The following GRIP1 variants were observed in gnomAD, a reference collection of about 807,000 sequenced individuals.
GRIP1 encodes glutamate receptor-interacting protein 1.
In GRIP1, 45 loss-of-function variants were observed where a neutral mutation model predicts 129.9. The ratio of observed to expected loss-of-function variants is 0.35; its 90% CI spans 0.27 to 0.44. The LOEUF (loss-of-function observed/expected upper bound fraction) is 0.44, where lower values mean the gene tolerates loss of function less well. GRIP1 is among the 20% of genes least tolerant of loss of function. The probability of loss-of-function intolerance (pLI) is 1.00; values close to 1 mark genes in which losing one functional copy is unlikely to be tolerated. For missense variants in GRIP1, 1,196 were observed against 1,396.8 expected, an observed-to-expected ratio of 0.86 and a Z score of 2.29; for synonymous variants, 530 against 520.8, an observed-to-expected ratio of 1.02 and a Z score of -0.24.
chr12:66,882,898 G>A (rs913427799), intron 1 of GRIP1, among the ~76,000 whole-genome samples: 5 of 152,110 alleles, frequency 3.3e-5, no homozygotes, highest in Non-Finnish European at 5.9e-5. Context: ...CTGCTCTGCC[G>A]TTCTTTGCAA....
intron 1 of GRIP1, among the ~76,000 whole-genome samples, chr12:67,068,158 G>A (rs745427799): frequency 6.6e-6 from 1 of 152,072 alleles, no homozygotes; most frequent in Non-Finnish European, 1.5e-5. Flanking sequence ...TGAACTCCCT[G>A]GCCAACCTCT....
In GRIP1 at chr12:66,678,968, C is replaced by T. The variant is rs2034467450; in HGVS notation, c.-64G>A. 1 of 1,611,444 alleles carries T rather than the reference C, an allele frequency of 6.2e-7. No individual in the cohort carries two copies. The highest frequency in any genetic ancestry group is 1.7e-5 in the Admixed American group (1 of 59,820). ...CTCTCTGCTCTGGTGGCTGCAGCAG[C>T]AGCAGCATATGAATTCCTTGCGCAC... On this transcript the variant is annotated 5_prime_UTR_variant, in exon 1 of 25. Transcript: ENST00000359742.
Position 66,348,316 on chromosome 12 carries a change from T to A in GRIP1, c.*703A>T, listed in dbSNP as rs116640382. ...ACACTCTAATTCATTATCAGAGATT[T>A]TCAGCTATTAAAAATGTGTCCTTAA... is the stretch of plus-strand genomic sequence containing the variant. On this transcript the variant is annotated 3_prime_UTR_variant, in exon 25 of 25. Transcript: ENST00000359742. The A allele has an allele frequency of 5.9e-4, 90 of 152,020 alleles. No individual in the cohort carries two copies. Among genetic ancestry groups the A allele is most frequent in the African/African-American group, 2.0e-3 (84 of 41,256 alleles). The allele number at this position is 152,020 out of a possible 1,614,324, so 9.4% of individuals were successfully genotyped here.
chr12:66,963,607 G>T (rs182955605), intron 1 of GRIP1, among the ~76,000 whole-genome samples: 1 of 152,148 alleles, frequency 6.6e-6, no homozygotes. Flanking sequence ...GAATTCAAGA[G>T]TTTTTTGGAA....
chr12:67,023,131 T>C (rs1262923215), intron 1 of GRIP1, among the ~76,000 whole-genome samples: 3 of 152,218 alleles, frequency 2.0e-5, no homozygotes, highest in African/African-American at 7.2e-5. Context: ...TTTTTAGTGT[T>C]GAGAAAGTCT....
At chr12:66,761,311 A>T (rs1042317994) in intron 1 of GRIP1, among the ~76,000 whole-genome samples, 1 of 152,042 alleles carries the variant, frequency 6.6e-6, no homozygotes, top group Admixed American at 6.6e-5. Context: ...TTTGTCTGTC[A>T]TCCAAGCCCA....
chr12:66,413,175 G>A (rs1161992443), intron 15 of GRIP1, among the ~76,000 whole-genome samples: 5 of 152,060 alleles, frequency 3.3e-5, no homozygotes, highest in African/African-American at 4.8e-5. Flanking sequence ...ATTGCCACAT[G>A]ACACTTACTC....
At chr12:66,945,233 G>A (rs764203103) in intron 1 of GRIP1, among the ~76,000 whole-genome samples, 8 of 152,056 alleles carry the variant, frequency 5.3e-5, no homozygotes, top group African/African-American at 1.4e-4. Context: ...ATTGTGTGTC[G>A]TGGCAGTTTG....
intron 1 of GRIP1, among the ~76,000 whole-genome samples, chr12:66,864,454 A>G (rs1260661805): frequency 1.3e-5 from 2 of 152,070 alleles, no homozygotes; most frequent in African/African-American, 2.4e-5. Flanking sequence ...GGTGGCTCAC[A>G]CCTGGAATCC....
At chr12:66,633,772 G>A (rs535378622) in intron 1 of GRIP1, among the ~76,000 whole-genome samples, 1 of 152,270 alleles carries the variant, frequency 6.6e-6, no homozygotes, top group African/African-American at 2.4e-5. Flanking sequence ...TCTGCTATGT[G>A]ACCCCTGGCC....
At chr12:67,039,086 A>G (rs1467684700) in intron 1 of GRIP1, among the ~76,000 whole-genome samples, 1 of 152,066 alleles carries the variant, frequency 6.6e-6, no homozygotes. Flanking sequence ...TTTTAAATGA[A>G]AAATACAGAG....
chr12:66,394,103 A>G (rs2056699170), intron 17 of GRIP1, 105 bp downstream of exon 17: 1 of 1,160,860 alleles, frequency 8.6e-7, no homozygotes, highest in African/African-American at 1.5e-5. Context: ...CAGATTTTTA[A>G]AAGCCAACAG....
At chr12:66,810,334 G>C (rs2039079094) in intron 1 of GRIP1, among the ~76,000 whole-genome samples, 1 of 152,138 alleles carries the variant, frequency 6.6e-6, no homozygotes, top group African/African-American at 2.4e-5. Flanking sequence ...AAGGCGGGTG[G>C]ATCACCTGAG....
intron 1 of GRIP1, among the ~76,000 whole-genome samples, chr12:66,637,752 C>T (rs1432164195): frequency 6.6e-6 from 1 of 152,098 alleles, no homozygotes; most frequent in African/African-American, 2.4e-5. Context: ...CTCCGTTACA[C>T]AATTTTCCAG....
chr12:66,585,097 T>G (rs1235214666), intron 2 of GRIP1, among the ~76,000 whole-genome samples: 2 of 147,418 alleles, frequency 1.4e-5, no homozygotes, highest in African/African-American at 5.3e-5. Context: ...TACTTCTTTT[T>G]TTTCCTTCTT....
At chr12:66,493,979 C>T (rs1414708211) in intron 7 of GRIP1, among the ~76,000 whole-genome samples, 1 of 152,010 alleles carries the variant, frequency 6.6e-6, no homozygotes, top group Non-Finnish European at 1.5e-5. Flanking sequence ...TGTAAAGATG[C>T]CTCTGGGTAT....
intron 1 of GRIP1, among the ~76,000 whole-genome samples, chr12:67,046,537 C>T (rs895096768): frequency 6.6e-6 from 1 of 152,140 alleles, no homozygotes; most frequent in Non-Finnish European, 1.5e-5. Flanking sequence ...TAATAATAAC[C>T]TCTGATATAA....
chr12:66,744,249 C>A (rs552074750), intron 1 of GRIP1, among the ~76,000 whole-genome samples: 4 of 152,208 alleles, frequency 2.6e-5, no homozygotes, highest in Admixed American at 1.3e-4. Context: ...TCATGCCACA[C>A]CAGTACATTT....
chr12:66,700,486 G>C (rs2035313759), intron 1 of GRIP1, among the ~76,000 whole-genome samples: 1 of 151,528 alleles, frequency 6.6e-6, no homozygotes, highest in African/African-American at 2.4e-5. Context: ...GCCCAGGCTG[G>C]AGTGCAGTGG....
Sources: gnomAD v4.1 joint callset for allele counts (sites outside exome capture counted in the v4.1 genomes callset) on GRCh38, gnomAD v4.1.1 for gene constraint, MANE v1.5 for transcripts, NCBI Gene and HGNC (gene_info 2026-07-23, HGNC 2026-07-21) for gene names.